GLIS1: variants seen among roughly 807,000 people sequenced by gnomAD.
GLIS1 encodes the protein zinc finger protein GLIS1.
Under a neutral mutation model 63.8 loss-of-function variants are expected in GLIS1, and 24 were observed. The ratio of observed to expected loss-of-function variants is 0.38; its 90% CI spans 0.27 to 0.53. The LOEUF is 0.53. Ranked by LOEUF, GLIS1 falls within the 20% of genes least tolerant of loss-of-function variation. The pLI is 0.85. For synonymous variants in GLIS1, 450 were observed against 482.5 expected (o/e 0.93, Z 0.88); for missense variants, 1,036 against 1,074.1 (o/e 0.96, Z 0.50).
At chr1:53,512,444 A>G (rs920880318) in intron 8 of GLIS1, among the ~76,000 whole-genome samples, 4 of 152,274 alleles carry the variant, frequency 2.6e-5, no homozygotes, top group African/African-American at 9.6e-5. Context: ...CCCTCTTAGC[A>G]TATTTTTGAG....
intron 2 of GLIS1, among the ~76,000 whole-genome samples, chr1:53,733,590 C>T (rs1043095404): frequency 6.6e-6 from 1 of 152,300 alleles, no homozygotes; most frequent in Non-Finnish European, 1.5e-5. Flanking sequence ...GCCCGAGATT[C>T]TTAGGGAATC....
At position 53,560,627 on chromosome 1, in the gene GLIS1, A is replaced by G. The variant is rs1424787279; in HGVS notation, c.1321-30675T>C. Among the ~76,000 whole-genome samples, 1 of 152,186 alleles carries G rather than the reference A, an allele frequency of 6.6e-6. No individual in the cohort carries two copies. Among genetic ancestry groups the G allele is most frequent in the East Asian group, 1.9e-4 (1 of 5,192 alleles). ...CTGGTGGACCCCAGGTCCTGTTGGC[A>G]TCACTGGCTTTGCACTGCCTTTGGC... is the stretch of plus-strand genomic sequence containing the variant. On this transcript the variant is annotated intron_variant, in intron 4 of 10. Coordinates refer to ENST00000628545, the MANE Select transcript of GLIS1 (RefSeq NM_001367484.1). The surrounding 1 kb of genome is among the most constrained non-coding windows in gnomAD (Gnocchi z 4.4).
At chr1:53,553,435 T>C (rs1229475746) in intron 4 of GLIS1, among the ~76,000 whole-genome samples, 3 of 151,638 alleles carry the variant, frequency 2.0e-5, no homozygotes, top group Non-Finnish European at 1.5e-5. Flanking sequence ...CATAAACTAT[T>C]TCTCAAATGC....
At chr1:53,535,800 A>G (rs1484784456) in intron 4 of GLIS1, among the ~76,000 whole-genome samples, 1 of 151,956 alleles carries the variant, frequency 6.6e-6, no homozygotes, top group Non-Finnish European at 1.5e-5. Flanking sequence ...TTAAGCCCAT[A>G]GCTCTGTGTC....
At chr1:53,521,477 A>G (rs1034670860) in intron 6 of GLIS1, among the ~76,000 whole-genome samples, 2 of 152,130 alleles carry the variant, frequency 1.3e-5, no homozygotes, top group Admixed American at 6.5e-5. Context: ...GACAAATAAC[A>G]TAACCTCTCT....
intron 2 of GLIS1, among the ~76,000 whole-genome samples, chr1:53,679,877 A>G (rs1646256289): frequency 6.6e-6 from 1 of 152,222 alleles, no homozygotes; most frequent in African/African-American, 2.4e-5. Context: ...GAGGATACTT[A>G]GAGCTGAAAA....
At chr1:53,632,842 C>T (rs554084046) in intron 2 of GLIS1, among the ~76,000 whole-genome samples, 6 of 125,096 alleles carry the variant, frequency 4.8e-5, no homozygotes, top group African/African-American at 1.6e-4. Context: ...GACTAAGGGG[C>T]GTGTATGTAT....
At chr1:53,551,126 C>T (rs567429462) in intron 4 of GLIS1, among the ~76,000 whole-genome samples, 14 of 152,240 alleles carry the variant, frequency 9.2e-5, no homozygotes, top group Admixed American at 2.6e-4. Context: ...GGATTACAGG[C>T]GTGAGCCACT....
rs1040050388 is a variant in GLIS1 at position 53,539,851 on chromosome 1, C to A, written c.1321-9899G>T. On this transcript the variant is annotated intron_variant, in intron 4 of 10. Transcript: ENST00000628545. The surrounding 1 kb of genome is among the most constrained non-coding windows in gnomAD (Gnocchi z 5.0). ...CTGAGTGGTGGCTGGCCTGGCCTGG[C>A]CTTGGGGACAGCATGCATAGCCTGA... Among the ~76,000 whole-genome samples the A allele has an allele frequency of 2.0e-5, 3 of 152,132 alleles. No individual in the cohort carries two copies. Among genetic ancestry groups the A allele is most frequent in the African/African-American group, 7.2e-5 (3 of 41,416 alleles).
chr1:53,521,070 A>G (rs1468538690), intron 6 of GLIS1, among the ~76,000 whole-genome samples: 3 of 152,164 alleles, frequency 2.0e-5, no homozygotes, highest in Non-Finnish European at 4.4e-5. Flanking sequence ...GGAGGCAGGG[A>G]GAAGGGGTCA....
In GLIS1 at chr1:53,631,666, G is replaced by A. The variant is rs372762567; in HGVS notation, c.260-31388C>T. ...TAGTGGTATACAGGAAAATAAAACA[G>A]GAAGGGGCATATGAAATATCTGAAG... On this transcript the variant is annotated intron_variant, in intron 2 of 10. Coordinates refer to ENST00000628545, the MANE Select transcript of GLIS1 (RefSeq NM_001367484.1). Among the ~76,000 whole-genome samples the A allele has an allele frequency of 2.6e-4, 39 of 152,306 alleles. No homozygotes were observed. In the East Asian group the frequency reaches 7.1e-3, roughly 28 times the overall value.
chr1:53,530,188 G>A (rs981195708), intron 4 of GLIS1, among the ~76,000 whole-genome samples: 2 of 152,204 alleles, frequency 1.3e-5, no homozygotes, highest in African/African-American at 4.8e-5. Context: ...GTGAGGGCTG[G>A]AGAAGAAAGT....
chr1:53,545,592 A>C (rs1267605247), intron 4 of GLIS1, among the ~76,000 whole-genome samples: 1 of 152,150 alleles, frequency 6.6e-6, no homozygotes, highest in Non-Finnish European at 1.5e-5. Context: ...CTGGAAAAAT[A>C]CTCCAAAATA....
intron 2 of GLIS1, among the ~76,000 whole-genome samples, chr1:53,606,116 GGATTAAGTGAGGTAATGT>G (rs899643733): frequency 1.3e-5 from 2 of 152,198 alleles, no homozygotes; most frequent in Non-Finnish European, 2.9e-5. Context: ...CTGGCTCTTA[GGATTAAGTGAGGTAATGT>G]ACATGGAGTC....
chr1:53,623,491 G>A (rs1053611812), intron 2 of GLIS1, among the ~76,000 whole-genome samples: 1 of 152,098 alleles, frequency 6.6e-6, no homozygotes. Flanking sequence ...AAGCAAGGAT[G>A]TCCGCACTCA....
intron 4 of GLIS1, among the ~76,000 whole-genome samples, chr1:53,545,613 G>T (rs910236767): frequency 6.6e-6 from 1 of 152,114 alleles, no homozygotes; most frequent in Non-Finnish European, 1.5e-5. Context: ...TTAAACAATG[G>T]TTATTTCTGA....
intron 4 of GLIS1, among the ~76,000 whole-genome samples, chr1:53,567,800 T>C (rs889787452): frequency 1.3e-5 from 2 of 152,230 alleles, no homozygotes; most frequent in Admixed American, 1.3e-4. Flanking sequence ...CCACGTGGTG[T>C]TGGGCCTGCA....
Position 53,514,729 on chromosome 1 carries a change from C to G in GLIS1, c.1779G>C (p.Leu593=). 1 of 1,611,868 alleles carries G rather than the reference C, an allele frequency of 6.2e-7. No homozygotes were observed. The highest frequency in any genetic ancestry group is 8.5e-7 in the Non-Finnish European group (1 of 1,179,054). ...TPHNGLASGL[L]PPAHDVPSRH... is the part of the protein sequence containing the mutation. ...TGGAAGGTACGTCGTGCGCTGGGGG[C>G]AGGAGGCCCGATGCAAGTCCGTTAT... is the stretch of plus-strand genomic sequence containing the variant. The change falls in exon 8 of 11, where the codon CTG becomes CTC. Residue 593 remains leucine, a synonymous_variant. Transcript: ENST00000628545.
At chr1:53,623,713 A>G (rs1569938429) in intron 2 of GLIS1, among the ~76,000 whole-genome samples, 1 of 152,368 alleles carries the variant, frequency 6.6e-6, no homozygotes, top group East Asian at 1.9e-4. Context: ...TATTGCAAAC[A>G]TAATAAAATG....
Sources: gnomAD v4.1 joint callset for allele counts (sites outside exome capture counted in the v4.1 genomes callset) on GRCh38, gnomAD v4.1.1 for gene constraint, Gnocchi (gnomAD v3.1) non-coding constraint, MANE v1.5 for transcripts, NCBI Gene and HGNC (gene_info 2026-07-23, HGNC 2026-07-21) for gene names.